ARHGEF2: variants seen among roughly 807,000 people sequenced by gnomAD.
The protein encoded by ARHGEF2 is rho guanine nucleotide exchange factor 2.
Under a neutral mutation model 121.0 loss-of-function variants are expected in ARHGEF2, and 22 were observed. The ratio of observed to expected loss-of-function variants is 0.18; its 90% confidence interval spans 0.13 to 0.26. ARHGEF2 has a LOEUF of 0.26. Among genes scored for constraint, ARHGEF2 ranks in the 10% least tolerant of loss-of-function variants. The probability of loss-of-function intolerance (pLI) is 1.00; values close to 1 mark genes in which losing one functional copy is unlikely to be tolerated. For synonymous variants in ARHGEF2, 487 were observed against 530.0 expected, an observed-to-expected ratio of 0.92 and a Z score of 1.11; for missense variants, 907 against 1,336.0, an observed-to-expected ratio of 0.68 and a Z score of 5.01.
At chr1:155,966,508 C>T (rs755997632) in intron 3 of ARHGEF2, 29 bp from the exon 4 acceptor site, 3 of 1,612,812 alleles carry the variant, frequency 1.9e-6, no homozygotes, top group Non-Finnish European at 2.5e-6. Flanking sequence ...GAGAGAGATA[C>T]CAAGAATGGC....
intron 14 of ARHGEF2, among the ~76,000 whole-genome samples, chr1:155,953,678 G>GT (rs1387663298): frequency 1.3e-5 from 2 of 148,516 alleles, no homozygotes; most frequent in East Asian, 4.0e-4. Context: ...GGAGATGGAG[G>GT]TTGCAGTGAG....
chr1:155,948,182 T>C (rs1013428362), intron 21 of ARHGEF2, among the ~76,000 whole-genome samples, 167 bp from the exon 22 acceptor site: 2 of 152,164 alleles, frequency 1.3e-5, no homozygotes, highest in African/African-American at 4.8e-5. Context: ...GGCAACAAAG[T>C]AAGCAAGGTA....
rs569968060 is a variant in ARHGEF2 at position 155,970,734 on chromosome 1, G to C, written c.64-1434C>G. The C allele has an allele frequency of 7.1e-6, 7 of 985,882 alleles. No individual in the cohort carries two copies. In the South Asian group the frequency reaches 2.8e-4, roughly 40 times the overall value. The allele number at this position is 985,882 out of a possible 1,614,324, so 61.1% of individuals were successfully genotyped here. On this transcript the variant is annotated intron_variant, in intron 1 of 21. Transcript: ENST00000361247. ...GGGCCTGGTGCTTGGGGCAGAAAAT[G>C]GTAGAAAGAAAGGGGAAGTGTGGAG...
intron 1 of ARHGEF2, chr1:155,969,677 CAG>C (rs1166306404): frequency 9.7e-7 from 1 of 1,031,604 alleles, no homozygotes; most frequent in East Asian, 8.8e-5. Flanking sequence ...GGAAGATGCG[CAG>C]AGAGGAGGGG....
Position 155,948,014 on chromosome 1 carries a change from G to A in ARHGEF2, c.2889C>T (p.Asp963=). The change falls in exon 22 of 22, where the codon GAC becomes GAT. Residue 963 remains aspartate (D), a splice_region_variant and synonymous_variant. Coordinates refer to ENST00000361247, the MANE Select transcript of ARHGEF2 (RefSeq NM_001162383.2). ...CCGGGATGTCCTGCATTCTGGTAAA[G>A]TCTGAAGGGGGACAGGACAAAGCCA... ...SRLSPPHSPR[D]FTRMQDIPEE... 6.4e-7 allele frequency: 1 copy of A among 1,551,170 alleles called. No homozygotes were observed. The highest frequency in any genetic ancestry group is 8.7e-7 in the Non-Finnish European group (1 of 1,146,700).
intron 2 of ARHGEF2, chr1:155,968,202 CT>C (rs11291941): frequency 0.94 from 119,150 of 126,860 alleles, 56,093 homozygotes; most frequent in East Asian, 0.99. Context: ...TCTTTTCTTT[CT>C]TTTTTTTTTT....
In ARHGEF2 at chr1:155,950,913, G is replaced by T. The variant is rs771659036; in HGVS notation, c.2619C>A (p.Ala873=). The T allele has an allele frequency of 9.4e-6, 15 of 1,600,248 alleles. No individual in the cohort carries two copies. In the South Asian group the frequency reaches 1.6e-4, roughly 17 times the overall value. Residue 873 remains alanine, a synonymous_variant, in exon 20 of 22, where the codon GCC becomes GCA. Transcript: ENST00000361247. The surrounding 1 kb of genome is among the most constrained non-coding windows in gnomAD (Gnocchi z 5.2). The part of the protein sequence containing the change: ...LGQTEPLPAE[A]PWARRPVDPR... The stretch of plus-strand genomic sequence containing the variant: ...GATCCACAGGTCTGCGGGCCCAGGG[G>T]GCCTCAGCTGGGAGTGGCTCGGTCT...
intron 14 of ARHGEF2, among the ~76,000 whole-genome samples, chr1:155,953,266 A>AG (rs1675896078): frequency 1.5e-4 from 1 of 6,628 alleles, no homozygotes; most frequent in Non-Finnish European, 2.9e-3. Flanking sequence ...ACTCTGTCTC[A>AG]AAAAAAAAAA....
chr1:155,962,005 G>C lies in ARHGEF2; in HGVS notation c.1220-96C>G, dbSNP rs1263488897. On this transcript the variant is annotated intron_variant, in intron 10 of 21. Coordinates refer to ENST00000361247, the MANE Select transcript of ARHGEF2 (RefSeq NM_001162383.2). This position sits in a 1 kb window ranked among gnomAD's most constrained non-coding sequence, Gnocchi z 5.8. ...GATTCCACCTTTAGAGGCTGCCCAG[G>C]GTTTCACACCCGACCCCACCCTTCC... is the stretch of plus-strand genomic sequence containing the variant. 3 of 1,601,868 alleles carry C rather than the reference G, an allele frequency of 1.9e-6. No individual in the cohort carries two copies. Among genetic ancestry groups the C allele is most frequent in the African/African-American group, 2.7e-5 (2 of 74,744 alleles).
rs1678080170 is a variant in ARHGEF2, at chr1:155,962,116, T to C, written c.1208A>G (p.Gln403Arg). ...GCCTGCCTACTCACCGTGGGAATGCTGCAGGATGCGGCTGATGAGTAACGG... is the reference window on the plus strand; with the variant it reads ...GCCTGCCTACTCACCGTGGGAATGCCGCAGGATGCGGCTGATGAGTAACGG... ...KYPLLISRIL[Q>R]HSHGIEEERQ... Residue 403 changes from glutamine to arginine, a missense_variant, in exon 10 of 22, where the codon CAG (glutamine) becomes CGG (arginine). Transcript: ENST00000361247. This position sits in a 1 kb window ranked among gnomAD's most constrained non-coding sequence, Gnocchi z 5.8. 1 of 1,614,084 alleles carries C rather than the reference T, an allele frequency of 6.2e-7. No homozygotes were observed. Among genetic ancestry groups the C allele is most frequent in the African/African-American group, 1.3e-5 (1 of 74,936 alleles).
At chr1:155,972,996 C>A (rs372492933) in intron 1 of ARHGEF2, among the ~76,000 whole-genome samples, 4 of 152,100 alleles carry the variant, frequency 2.6e-5, no homozygotes, top group African/African-American at 7.2e-5. Context: ...TGAGCCACCA[C>A]GCTCAGACCT....
intron 4 of ARHGEF2, 109 bp downstream of exon 4, chr1:155,966,307 A>G: frequency 9.5e-7 from 1 of 1,055,410 alleles, no homozygotes; most frequent in Non-Finnish European, 1.5e-6. Flanking sequence ...AATCAAGAAG[A>G]GGAAGGTGCT....
Position 155,969,175 on chromosome 1 carries a change from C to T in ARHGEF2, c.189G>A (p.Lys63=). The part of the protein sequence containing the change: ...CYACNKSITA[K]EALICPTCNV... ...ACTTACTTGGGCAGATGAGGGCTTC[C>T]TTGGCTGTGATGCTCTTGTTACAGG... The change falls in exon 2 of 22, where the codon AAG becomes AAA. Residue 63 remains lysine, a synonymous_variant. Transcript: ENST00000361247. 1 of 1,614,172 alleles carries T rather than the reference C, an allele frequency of 6.2e-7. No individual in the cohort carries two copies.
At chr1:155,969,789 T>C (rs929208490) in intron 1 of ARHGEF2, 8 of 987,226 alleles carry the variant, frequency 8.1e-6, no homozygotes, top group Non-Finnish European at 6.0e-6. Flanking sequence ...ATCTGCTGTC[T>C]CTGTGGCAGT....
chr1:155,975,391 G>C (rs1167633286), intron 1 of ARHGEF2, among the ~76,000 whole-genome samples: 4 of 152,048 alleles, frequency 2.6e-5, no homozygotes, highest in Admixed American at 1.3e-4. Context: ...GGCCTCAGTA[G>C]GTCCTTCTCT....
rs771082821 is a variant in ARHGEF2, at chr1:155,947,972, G to T, written c.2931C>A (p.Arg977=). 3.9e-6 allele frequency: 6 copies of T among 1,551,138 alleles called. No individual in the cohort carries two copies. The highest frequency in any genetic ancestry group is 1.2e-5 in the South Asian group (1 of 84,032). Residue 977 remains arginine, a synonymous_variant, in exon 22 of 22, where the codon CGC becomes CGA. Coordinates refer to ENST00000361247, the MANE Select transcript of ARHGEF2 (RefSeq NM_001162383.2). ...TCTCGGAGGCTACAGCCTCCCCGTC[G>T]CGGCTCTCCGTCTCCTCCGGGATGT... ...MQDIPEETES[R]DGEAVASES
chr1:155,973,743 C>A (rs1179743715), intron 1 of ARHGEF2, among the ~76,000 whole-genome samples: 1 of 147,426 alleles, frequency 6.8e-6, no homozygotes, highest in South Asian at 2.1e-4. Flanking sequence ...GAGACTCTGT[C>A]TCAAAAAAAA....
In ARHGEF2 at chr1:155,969,145, A is replaced by G; in HGVS notation, c.208+11T>C. The G allele has an allele frequency of 6.2e-7, 1 of 1,614,014 alleles. No homozygotes were observed. The highest frequency in any genetic ancestry group is 1.6e-4 in the Middle Eastern group (1 of 6,062). On this transcript the variant is annotated intron_variant, in intron 2 of 21. Transcript: ENST00000361247. ...CGAGTCTGGGTGACTCTCAGGGTCC[A>G]AACAACTTACTTGGGCAGATGAGGG... is the stretch of plus-strand genomic sequence containing the variant.
Position 155,958,468 on chromosome 1 carries a change from G to T in ARHGEF2, c.1469-72C>A. ...AGCAGCTGCTTCCCTCTTTCCCAAG[G>T]ACCAGGCTTATCCCATCAGGTTAGA... On this transcript the variant is annotated intron_variant, in intron 11 of 21. Coordinates refer to ENST00000361247, the MANE Select transcript of ARHGEF2 (RefSeq NM_001162383.2). The T allele has an allele frequency of 3.2e-6, 4 of 1,266,998 alleles. No individual in the cohort carries two copies. In the South Asian group the frequency reaches 3.7e-5, roughly 12 times the overall value. 78.5% of individuals were successfully genotyped at this position (1,266,998 alleles called of 1,614,324 possible).
Sources: gnomAD v4.1 joint callset for allele counts (sites outside exome capture counted in the v4.1 genomes callset) on GRCh38, gnomAD v4.1.1 for gene constraint, Gnocchi (gnomAD v3.1) non-coding constraint, MANE v1.5 for transcripts, NCBI Gene and HGNC (gene_info 2026-07-23, HGNC 2026-07-21) for gene names.